Variants in SHMT1 observed in about 807,000 individuals in gnomAD.
The protein encoded by SHMT1 is serine hydroxymethyltransferase 1.
A neutral mutation model predicts 49.0 loss-of-function variants in SHMT1; 45 were observed. The observed-to-expected ratio is 0.92, with a 90% CI of 0.72 to 1.18. The LOEUF (loss-of-function observed/expected upper bound fraction) is 1.18. Among genes scored for constraint, SHMT1 ranks in the 50% most tolerant of loss-of-function variants. The pLI is 0.00. For synonymous variants in SHMT1, 232 were observed against 246.6 expected, an observed-to-expected ratio of 0.94 and a Z score of 0.55; for missense variants, 541 against 612.4, an observed-to-expected ratio of 0.88 and a Z score of 1.23.
chr17:18,362,774 A>C (rs923159936), intron 1 of SHMT1, among the ~76,000 whole-genome samples: 4 of 152,142 alleles, frequency 2.6e-5, no homozygotes, highest in African/African-American at 9.7e-5. Flanking sequence ...CGGGCCAAGA[A>C]CTTCACAGTG....
rs141263245 is a variant in SHMT1, at chr17:18,330,635, C to G, written c.1091G>C (p.Arg364Pro). The G allele has an allele frequency of 8.7e-6, 14 of 1,613,910 alleles. No homozygotes were observed. The highest frequency in any genetic ancestry group is 2.2e-5 in the East Asian group (1 of 44,904). Residue 364 changes from arginine to proline, a missense_variant, in exon 10 of 12, where the codon CGT becomes CCT. Arg to Pro is a moderately radical substitution (Grantham distance 103). Transcript: ENST00000316694. ...SDNHLILVDL[R>P]SKGTDGGRAE... Reference sequence around the variant, plus strand: ...CCTTCCACCATCTGTGCCTTTGGAACGGAGATCCACAAGGATCAAATGGTT... The same window carrying G: ...CCTTCCACCATCTGTGCCTTTGGAAGGGAGATCCACAAGGATCAAATGGTT...
intron 3 of SHMT1, among the ~76,000 whole-genome samples, chr17:18,351,750 G>A (rs997829630): frequency 2.0e-5 from 3 of 151,630 alleles, no homozygotes; most frequent in Non-Finnish European, 2.9e-5. Flanking sequence ...CTCCAGCCTC[G>A]TGACAGAGCG....
At chr17:18,343,434 C>T (rs1272271232) in intron 5 of SHMT1, among the ~76,000 whole-genome samples, 1 of 151,252 alleles carries the variant, frequency 6.6e-6, no homozygotes, top group Non-Finnish European at 1.5e-5. Flanking sequence ...CATGGTGAAA[C>T]CCCACCTCTA....
chr17:18,331,055 A>G (rs778495275), intron 9 of SHMT1: 62 of 358,060 alleles, frequency 1.7e-4, no homozygotes, highest in Middle Eastern at 9.9e-4. Context: ...TTTGGGGGGT[A>G]AGGGGCATGT....
chr17:18,358,363 G>A (rs377450370), intron 1 of SHMT1, among the ~76,000 whole-genome samples: 2 of 151,820 alleles, frequency 1.3e-5, no homozygotes, highest in East Asian at 2.0e-4. Flanking sequence ...AGTGGCTCAC[G>A]CCTGTAATCC....
At chr17:18,332,992 T>C (rs1983383389) in intron 9 of SHMT1, 174 bp downstream of exon 9, 2 of 779,782 alleles carry the variant, frequency 2.6e-6, no homozygotes, top group African/African-American at 3.4e-5. Flanking sequence ...GGCTGGCTGG[T>C]CTGAGGCAGG....
chr17:18,362,399 C>A (rs1457421314), intron 1 of SHMT1, among the ~76,000 whole-genome samples: 1 of 152,160 alleles, frequency 6.6e-6, no homozygotes, highest in Admixed American at 6.6e-5. Flanking sequence ...CCGCTCACTG[C>A]AACCTCCACC....
intron 3 of SHMT1, among the ~76,000 whole-genome samples, chr17:18,351,700 G>C (rs1401978053): frequency 6.6e-6 from 1 of 151,986 alleles, no homozygotes; most frequent in African/African-American, 2.4e-5. Flanking sequence ...CTTGAACCTG[G>C]GAGGTGGAGG....
At chr17:18,356,295 G>C (rs917203361) in intron 1 of SHMT1, among the ~76,000 whole-genome samples, 5 of 152,024 alleles carry the variant, frequency 3.3e-5, no homozygotes, top group Non-Finnish European at 7.4e-5. Context: ...GCCCACGTTG[G>C]CTTCCCAAAG....
intron 9 of SHMT1, chr17:18,331,658 C>T (rs913728106): frequency 1.9e-4 from 29 of 152,442 alleles, no homozygotes; most frequent in African/African-American, 6.7e-4. Flanking sequence ...TAAACCCTCA[C>T]AACTCCAAGG....
intron 7 of SHMT1, among the ~76,000 whole-genome samples, chr17:18,338,780 T>C (rs964054982): frequency 6.6e-6 from 1 of 152,130 alleles, no homozygotes; most frequent in Non-Finnish European, 1.5e-5. Context: ...ATGTGCTGTG[T>C]CCACTCAGGG....
intron 5 of SHMT1, among the ~76,000 whole-genome samples, chr17:18,343,919 T>TA (rs35005892): frequency 0.29 from 31,038 of 106,728 alleles, 4,659 homozygotes; most frequent in African/African-American, 0.34. Flanking sequence ...GATACTGTCT[T>TA]AAAAAAAAAA....
At chr17:18,361,076 C>T (rs752004222) in intron 1 of SHMT1, among the ~76,000 whole-genome samples, 1 of 151,640 alleles carries the variant, frequency 6.6e-6, no homozygotes, top group Non-Finnish European at 1.5e-5. Context: ...GAGGCCAAGG[C>T]GGGTGCATCA....
In SHMT1 at chr17:18,340,339, G is replaced by GGCC; in HGVS notation, c.602-85_602-84insGGC. On this transcript the variant is annotated intron_variant, in intron 6 of 11. Transcript: ENST00000316694. The surrounding 1 kb of genome is among the most constrained non-coding windows in gnomAD (Gnocchi z 4.5). ...CTTCACAGTGGCCTCTAGATGTGCA[G>GGCC]ATCTGAAAGCCCAGAGATTTCTTCC... 7.3e-7 allele frequency: 1 copy of GGCC among 1,364,196 alleles called. No individual in the cohort carries two copies. The highest frequency in any genetic ancestry group is 1.7e-5 in the Admixed American group (1 of 58,016). 84.5% of individuals were successfully genotyped at this position (1,364,196 alleles called of 1,614,324 possible). A position where few individuals can be genotyped will look rare whatever the true frequency, so the allele number is the denominator to read the frequency against.
intron 5 of SHMT1, among the ~76,000 whole-genome samples, chr17:18,344,048 C>T (rs7207306): frequency 0.3 from 45,311 of 151,810 alleles, 7,105 homozygotes; most frequent in African/African-American, 0.35. Context: ...AGAGAGGCTC[C>T]CTGTTCTGAA....
At chr17:18,360,444 A>G (rs574852084) in intron 1 of SHMT1, 2 of 151,778 alleles carry the variant, frequency 1.3e-5, no homozygotes, top group South Asian at 4.2e-4. Context: ...CTGTATTCTC[A>G]GCTACTCTGG....
intron 7 of SHMT1, 82 bp downstream of exon 7, chr17:18,339,961 C>A: frequency 7.2e-7 from 1 of 1,391,868 alleles, no homozygotes; most frequent in East Asian, 2.3e-5. Context: ...GAGTTTTTCC[C>A]AGCTCCCTCA....
rs1979277 is a variant in SHMT1 at position 18,328,782 on chromosome 17, G to A, written c.1420C>T (p.Leu474Phe). The change falls in exon 12 of 12, where the codon CTC (leucine) becomes TTC (phenylalanine). Residue 474 changes from leucine to phenylalanine, a missense_variant. Transcript: ENST00000316694. ...LREEVESFAS[L>F]FPLPGLPDF ...TCAGGCAGGCCAGGCAGAGGGAAGA[G>A]AGAGGCGAAGCTCTCAACCTCCTCC... The A allele has an allele frequency of 0.3, 478,978 of 1,594,198 alleles. 74,438 individuals carry two copies. The highest frequency in any genetic ancestry group is 0.34 in the African/African-American group (25,671 of 74,496).
intron 5 of SHMT1, among the ~76,000 whole-genome samples, chr17:18,344,699 A>C (rs1984902527): frequency 6.6e-6 from 1 of 152,028 alleles, no homozygotes; most frequent in Non-Finnish European, 1.5e-5. Flanking sequence ...AACTCCTAGA[A>C]GAATTCATAG....
Sources: gnomAD v4.1 joint callset for allele counts (sites outside exome capture counted in the v4.1 genomes callset) on GRCh38, gnomAD v4.1.1 for gene constraint, Gnocchi (gnomAD v3.1) non-coding constraint, MANE v1.5 for transcripts, NCBI Gene and HGNC (gene_info 2026-07-23, HGNC 2026-07-21) for gene names.